Variants in ASIP observed in about 807,000 individuals in gnomAD.
ASIP encodes agouti-signaling protein.
A neutral mutation model predicts 10.3 loss-of-function variants in ASIP; 11 were observed. The observed-to-expected ratio is 1.07, with a 90% CI of 0.68 to 1.78. The LOEUF (loss-of-function observed/expected upper bound fraction) is 1.78, where lower values mean the gene tolerates loss of function less well. Ranked by LOEUF, ASIP falls within the 40% of genes most tolerant of loss-of-function variation. ASIP has a pLI of 0.00. For missense variants in ASIP, 180 were observed against 169.2 expected, an observed-to-expected ratio of 1.06 and a Z score of -0.35; for synonymous variants, 70 against 70.8, an observed-to-expected ratio of 0.99 and a Z score of 0.06.
intron 1 of ASIP, among the ~76,000 whole-genome samples, chr20:34,254,070 G>A (rs187553326): frequency 0.016 from 2,321 of 147,380 alleles, 32 homozygotes; most frequent in Non-Finnish European, 0.026. Flanking sequence ...GTTTTGTTTC[G>A]TTTTTTTTTT....
At chr20:34,198,569 C>T (rs773345430) in intron 1 of ASIP, among the ~76,000 whole-genome samples, 1 of 152,106 alleles carries the variant, frequency 6.6e-6, no homozygotes, top group Non-Finnish European at 1.5e-5. Flanking sequence ...TCACTGCAGC[C>T]TTGAACTCCT....
chr20:34,241,736 AAATAT>A (rs1171897960), intron 1 of ASIP, among the ~76,000 whole-genome samples: 1 of 152,228 alleles, frequency 6.6e-6, no homozygotes, highest in African/African-American at 2.4e-5. Flanking sequence ...ACGAATAAAT[AAATAT>A]ATCTATATGT....
chr20:34,249,704 T>A (rs1385880845), intron 1 of ASIP, among the ~76,000 whole-genome samples: 1 of 152,168 alleles, frequency 6.6e-6, no homozygotes, highest in African/African-American at 2.4e-5. Flanking sequence ...CTCCTCCTTT[T>A]GTTAGTTACT....
chr20:34,262,572 C>G (rs1171026992), intron 2 of ASIP, among the ~76,000 whole-genome samples: 7 of 152,192 alleles, frequency 4.6e-5, no homozygotes, highest in Admixed American at 4.6e-4. Context: ...ACAAGAGTGT[C>G]ACAGGCAGAT....
At chr20:34,253,088 C>T (rs972150574) in intron 1 of ASIP, among the ~76,000 whole-genome samples, 6 of 152,054 alleles carry the variant, frequency 3.9e-5, no homozygotes, top group African/African-American at 1.2e-4. Context: ...GACACAGTAA[C>T]AACCTGATCT....
upstream of ASIP, among the ~76,000 whole-genome samples, chr20:34,239,442 C>T (rs1437974801): frequency 6.6e-6 from 1 of 152,178 alleles, no homozygotes; most frequent in Non-Finnish European, 1.5e-5. Flanking sequence ...TTCTCGAACT[C>T]CTGACCTCAG....
At chr20:34,258,372 TAAA>T (rs2035610891) in intron 1 of ASIP, among the ~76,000 whole-genome samples, 2 of 150,934 alleles carry the variant, frequency 1.3e-5, no homozygotes, top group South Asian at 2.1e-4. Context: ...TAGAATCATT[TAAA>T]AATGTAAAAA....
In ASIP at chr20:34,269,340, C is replaced by T. The variant is rs1601623898; in HGVS notation, c.*173C>T. 1.4e-5 allele frequency: 11 copies of T among 813,482 alleles called. No homozygotes were observed. In the East Asian group the frequency reaches 3.3e-4, roughly 24 times the overall value. 50.4% of individuals were successfully genotyped at this position (813,482 alleles called of 1,614,324 possible). ...AAAATCGAAATACAATATATATAGG[C>T]TGCTCGAAGGTGTGCGGCTGTTTCT... On this transcript the variant is annotated 3_prime_UTR_variant, in exon 4 of 4. Coordinates refer to ENST00000374954, the MANE Select transcript of ASIP (RefSeq NM_001672.3).
At chr20:34,223,222 G>A (rs2122566767) in intron 1 of ASIP, among the ~76,000 whole-genome samples, 1 of 151,760 alleles carries the variant, frequency 6.6e-6, no homozygotes. Context: ...TAGGAAGTGA[G>A]GAGCGTCTCT....
At chr20:34,211,287 G>T (rs2034973132) in intron 1 of ASIP, among the ~76,000 whole-genome samples, 1 of 152,098 alleles carries the variant, frequency 6.6e-6, no homozygotes, top group Non-Finnish European at 1.5e-5. Context: ...CTCCCAGTTT[G>T]GCCTTCCTCA....
intron 1 of ASIP, among the ~76,000 whole-genome samples, chr20:34,235,301 G>A (rs556186649): frequency 1.7e-4 from 26 of 152,272 alleles, no homozygotes; most frequent in Non-Finnish European, 3.5e-4. Context: ...TTAGCCAGGC[G>A]AGGTGGCAGG....
At chr20:34,215,521 A>G (rs1368971734) in intron 1 of ASIP, 2 of 1,530,348 alleles carry the variant, frequency 1.3e-6, no homozygotes, top group Non-Finnish European at 1.8e-6. Flanking sequence ...GTCAAAAAAA[A>G]AACTTGGGCC....
chr20:34,259,606 C>T (rs1432620888), intron 1 of ASIP, among the ~76,000 whole-genome samples: 1 of 151,978 alleles, frequency 6.6e-6, no homozygotes, highest in Non-Finnish European at 1.5e-5. Context: ...ATTAGCCTGG[C>T]ATAGTGATGG....
intron 1 of ASIP, among the ~76,000 whole-genome samples, chr20:34,259,804 A>G (rs1291145873): frequency 1.3e-5 from 2 of 152,094 alleles, no homozygotes; most frequent in East Asian, 1.9e-4. Flanking sequence ...CAGGGGGCCT[A>G]TGTCAACAGC....
intron 1 of ASIP, among the ~76,000 whole-genome samples, chr20:34,259,951 CTTA>C: frequency 6.6e-6 from 1 of 151,964 alleles, no homozygotes; most frequent in African/African-American, 2.4e-5. Context: ...ATTTATTAGC[CTTA>C]TTCTGTACAT....
intron 2 of ASIP, among the ~76,000 whole-genome samples, chr20:34,261,832 G>A (rs1285499414): frequency 1.3e-5 from 2 of 151,958 alleles, no homozygotes; most frequent in Non-Finnish European, 2.9e-5. Flanking sequence ...TAAATAATCG[G>A]CCAGGCGCGG....
rs2034939823 is a variant in ASIP at position 34,206,762 on chromosome 20, A to G, written c.-11+12002A>G. 1.3e-5 allele frequency among the ~76,000 whole-genome samples: 2 copies of G among 152,112 alleles called. 1 individual carries two copies. Among genetic ancestry groups the G allele is most frequent in the South Asian group, 4.1e-4 (2 of 4,826 alleles). On this transcript the variant is annotated intron_variant, in intron 1 of 3. Transcript: ENST00000568305. ...CCTGGCTAATTTTTGTATCTTTAGT[A>G]AAGACAGGATTTCACTACATTGGCC... is the stretch of plus-strand genomic sequence containing the variant.
At chr20:34,226,235 G>A (rs1348963624) in intron 1 of ASIP, among the ~76,000 whole-genome samples, 2 of 152,092 alleles carry the variant, frequency 1.3e-5, no homozygotes, top group Non-Finnish European at 2.9e-5. Context: ...TCTTATGTCA[G>A]CTTACCATTA....
At chr20:34,259,718 C>G (rs1473038409) in intron 1 of ASIP, among the ~76,000 whole-genome samples, 1 of 151,738 alleles carries the variant, frequency 6.6e-6, no homozygotes, top group Non-Finnish European at 1.5e-5. Context: ...CCACTGCACT[C>G]TAGCCTGGGC....
Sources: gnomAD v4.1 joint callset for allele counts (sites outside exome capture counted in the v4.1 genomes callset) on GRCh38, gnomAD v4.1.1 for gene constraint, MANE v1.5 for transcripts, NCBI Gene and HGNC (gene_info 2026-07-23, HGNC 2026-07-21) for gene names.